CTNNA3: variants seen among roughly 807,000 people sequenced by gnomAD.
CTNNA3 encodes catenin alpha 3.
CTNNA3 carries 76 observed loss-of-function variants against 95.7 expected under a neutral mutation model. That is an observed-to-expected ratio of 0.79 (90% CI 0.66 to 0.96). The LOEUF (loss-of-function observed/expected upper bound fraction) is 0.96, where lower values mean the gene tolerates loss of function less well. Ranked by LOEUF, CTNNA3 falls within the 40% of genes least tolerant of loss-of-function variation. The pLI, the probability that CTNNA3 is intolerant of heterozygous loss-of-function variation, is 0.00. For missense variants in CTNNA3, 1,191 were observed against 1,089.8 expected (o/e 1.09, Z -1.31); for synonymous variants, 431 against 374.4 (o/e 1.15, Z -1.74).
intron 17 of CTNNA3, among the ~76,000 whole-genome samples, chr10:65,929,908 A>C (rs2077224536): frequency 1.3e-5 from 2 of 152,076 alleles, no homozygotes; most frequent in Admixed American, 1.3e-4. Flanking sequence ...ACTGGAAAAT[A>C]ATATTACACC....
chr10:66,673,534 CT>C (rs1846739405), intron 9 of CTNNA3, among the ~76,000 whole-genome samples: 1 of 151,962 alleles, frequency 6.6e-6, no homozygotes, highest in Non-Finnish European at 1.5e-5. Context: ...TGAAATTTTT[CT>C]TTTAGTTTAA....
rs550076398 is a variant in CTNNA3 at position 67,201,458 on chromosome 10, T to A, written c.843+18149A>T. On this transcript the variant is annotated intron_variant, in intron 6 of 17. Transcript: ENST00000433211. ...CAGGCACCTTATGTCTATTCTTTTTTTTTTATTATTTTTTTATTATTATAC... is the reference window on the plus strand; with the variant it reads ...CAGGCACCTTATGTCTATTCTTTTTATTTTATTATTTTTTTATTATTATAC... Among the ~76,000 whole-genome samples the A allele has an allele frequency of 1.6e-3, 241 of 151,992 alleles. 3 individuals carry two copies. Among genetic ancestry groups the A allele is most frequent in the African/African-American group, 5.6e-3 (232 of 41,360 alleles).
intron 11 of CTNNA3, among the ~76,000 whole-genome samples, chr10:66,448,180 G>C (rs1193707218): frequency 6.6e-6 from 1 of 152,072 alleles, no homozygotes; most frequent in African/African-American, 2.4e-5. Context: ...GGAAACAACA[G>C]GTGCTGGAGA....
chr10:66,597,083 A>C (rs957593932), intron 10 of CTNNA3, among the ~76,000 whole-genome samples: 1 of 151,986 alleles, frequency 6.6e-6, no homozygotes, highest in African/African-American at 2.4e-5. Context: ...ACTCAAGCAG[A>C]AAAAAGAACC....
chr10:67,755,352 C>T (rs1841427138), intron 1 of CTNNA3, among the ~76,000 whole-genome samples: 1 of 151,714 alleles, frequency 6.6e-6, no homozygotes, highest in African/African-American at 2.4e-5. Flanking sequence ...ATAACTGATG[C>T]TGGCAAGGAT....
chr10:67,475,460 T>A (rs1847975788), intron 5 of CTNNA3, among the ~76,000 whole-genome samples: 1 of 152,182 alleles, frequency 6.6e-6, no homozygotes, highest in South Asian at 2.1e-4. Context: ...TACCTATGGC[T>A]TCCTCCTTCA....
At chr10:66,319,148 T>C (rs2092147672) in intron 12 of CTNNA3, among the ~76,000 whole-genome samples, 1 of 152,012 alleles carries the variant, frequency 6.6e-6, no homozygotes, top group Non-Finnish European at 1.5e-5. Flanking sequence ...TAAATGGGAA[T>C]AATAATAAAA....
chr10:67,161,901 A>G (rs978123457), intron 7 of CTNNA3, among the ~76,000 whole-genome samples: 14 of 152,228 alleles, frequency 9.2e-5, no homozygotes, highest in Non-Finnish European at 1.6e-4. Flanking sequence ...AGTAAAGAAG[A>G]CTGCAAAGAC....
At chr10:67,692,736 T>TA (rs200961420) in intron 1 of CTNNA3, among the ~76,000 whole-genome samples, 11,825 of 80,794 alleles carry the variant, frequency 0.15, 727 homozygotes, top group South Asian at 0.21. Context: ...GAATGATCAA[T>TA]AAAAAAAAAA....
chr10:66,384,723 G>T (rs557363841), intron 11 of CTNNA3, among the ~76,000 whole-genome samples: 25 of 152,264 alleles, frequency 1.6e-4, no homozygotes, highest in Non-Finnish European at 2.8e-4. Context: ...TAAACGAAAA[G>T]AAATCACAAC....
At chr10:67,555,162 T>C (rs189469043) in intron 3 of CTNNA3, among the ~76,000 whole-genome samples, 204 of 152,324 alleles carry the variant, frequency 1.3e-3, no homozygotes, top group African/African-American at 4.7e-3. Flanking sequence ...TGTAGTCTTG[T>C]AGTTCAGTTT....
intron 6 of CTNNA3, among the ~76,000 whole-genome samples, chr10:67,205,227 G>GT: frequency 6.6e-6 from 1 of 152,258 alleles, no homozygotes; most frequent in African/African-American, 2.4e-5. Flanking sequence ...CAAGATGGGG[G>GT]TTGGTTATAT....
chr10:67,245,874 AC>A (rs1165128123), intron 5 of CTNNA3, among the ~76,000 whole-genome samples: 1,761 of 148,718 alleles, frequency 0.012, 33 homozygotes, highest in African/African-American at 0.042. Context: ...AAAAAAAAAA[AC>A]CAGAGAATTA....
At chr10:66,777,073 T>C (rs1840330898) in intron 7 of CTNNA3, among the ~76,000 whole-genome samples, 1 of 152,198 alleles carries the variant, frequency 6.6e-6, no homozygotes, top group Non-Finnish European at 1.5e-5. Context: ...AAGTTCTCTA[T>C]GAGCTGAGGT....
At chr10:66,532,991 C>G (rs776223805) in intron 10 of CTNNA3, among the ~76,000 whole-genome samples, 5 of 152,128 alleles carry the variant, frequency 3.3e-5, no homozygotes, top group Admixed American at 3.3e-4. Flanking sequence ...CCACTCTACA[C>G]GATCATTATC....
At chr10:67,512,678 G>A (rs1409431739) in intron 5 of CTNNA3, among the ~76,000 whole-genome samples, 1 of 151,128 alleles carries the variant, frequency 6.6e-6, no homozygotes, top group African/African-American at 2.4e-5. Context: ...TAATATTATT[G>A]CATTTTCTTC....
intron 7 of CTNNA3, among the ~76,000 whole-genome samples, chr10:67,101,794 A>G (rs1858357600): frequency 6.6e-6 from 1 of 151,836 alleles, no homozygotes; most frequent in African/African-American, 2.4e-5. Flanking sequence ...GAGAGTAAAA[A>G]TATATTTGTT....
chr10:66,436,501 C>CTTTTTTTTTTTTTTTTTTTTTTT (rs34165061), intron 11 of CTNNA3, among the ~76,000 whole-genome samples: 3 of 60,370 alleles, frequency 5.0e-5, no homozygotes, highest in Admixed American at 2.0e-4. Flanking sequence ...ACAATCCCTG[C>CTTTTTTTTTTTTTTTTTTTTTTT]TTTTTTTTTT....
At chr10:66,087,547 C>A (rs756993302) in intron 14 of CTNNA3, among the ~76,000 whole-genome samples, 36 of 152,142 alleles carry the variant, frequency 2.4e-4, no homozygotes, top group Non-Finnish European at 4.3e-4. Context: ...CCTCCCTACA[C>A]TGACATTTTA....
Sources: gnomAD v4.1 joint callset for allele counts (sites outside exome capture counted in the v4.1 genomes callset) on GRCh38, gnomAD v4.1.1 for gene constraint, MANE v1.5 for transcripts, NCBI Gene and HGNC (gene_info 2026-07-23, HGNC 2026-07-21) for gene names.